ATP1A4: variants seen among roughly 807,000 people sequenced by gnomAD.
The protein encoded by ATP1A4 is sodium/potassium-transporting ATPase subunit alpha-4.
ATP1A4 carries 90 observed loss-of-function variants against 114.3 expected under a neutral mutation model. That is an observed-to-expected ratio of 0.79 (90% CI 0.66 to 0.94). The LOEUF (loss-of-function observed/expected upper bound fraction) is 0.94. Among genes scored for constraint, ATP1A4 ranks in the 40% least tolerant of loss-of-function variants. ATP1A4 has a pLI of 0.00. For synonymous variants in ATP1A4, 511 were observed against 494.1 expected (o/e 1.03, Z -0.45); for missense variants, 1,222 against 1,313.6 (o/e 0.93, Z 1.08).
At chr1:160,168,557 T>G (rs1653125655) in intron 10 of ATP1A4, among the ~76,000 whole-genome samples, 1 of 152,102 alleles carries the variant, frequency 6.6e-6, no homozygotes, top group Non-Finnish European at 1.5e-5. Context: ...TAATTTTTTG[T>G]ATTTTTAGTA....
rs768719394 is a variant in ATP1A4, at chr1:160,173,563, C to G, written c.1855-18C>G. 2 of 1,611,256 alleles carry G rather than the reference C, an allele frequency of 1.2e-6. No individual in the cohort carries two copies. Among genetic ancestry groups the G allele is most frequent in the Non-Finnish European group, 1.7e-6 (2 of 1,177,740 alleles). On this transcript the variant is annotated intron_variant, in intron 12 of 21. Transcript: ENST00000368081. ...CTGAAGATGATTCTGCTCCTCTTCC[C>G]TCTCCTTCCCAACCCAGGTGATCAT...
intron 12 of ATP1A4, among the ~76,000 whole-genome samples, chr1:160,172,139 GA>G: frequency 2.0e-5 from 3 of 152,300 alleles, no homozygotes; most frequent in African/African-American, 7.2e-5. Flanking sequence ...ATCCCTCAGG[GA>G]TTGTTTTGAA....
chr1:160,180,833 G>C (rs1024697192), intron 18 of ATP1A4, among the ~76,000 whole-genome samples: 4 of 150,482 alleles, frequency 2.7e-5, no homozygotes, highest in African/African-American at 7.3e-5. Flanking sequence ...TCTCGCCTCA[G>C]CCTCCCGAGC....
intron 20 of ATP1A4, 99 bp from the exon 21 acceptor site, chr1:160,186,177 C>T: frequency 2.5e-6 from 2 of 803,286 alleles, no homozygotes; most frequent in Non-Finnish European, 4.3e-6. Flanking sequence ...ACACAGTAGA[C>T]ACAAGCAATG....
In ATP1A4 at chr1:160,177,575, G is replaced by A. The variant is rs757992087; in HGVS notation, c.2647G>A (p.Gly883Ser). The change falls in exon 18 of 22, where the codon GGT becomes AGT. Residue 883 changes from glycine to serine, a missense_variant. Gly to Ser is a moderately conservative substitution (Grantham distance 56). Coordinates refer to ENST00000368081, the MANE Select transcript of ATP1A4 (RefSeq NM_144699.4). ...CTACTTTGTAATCCTGGCTGAGAAT[G>A]GTTTTAGGCCTGTTGATCTGCTGGG... Reference protein sequence around the residue: ...FTYFVILAENGFRPVDLLGIR... With the variant: ...FTYFVILAENSFRPVDLLGIR... 3.1e-6 allele frequency: 5 copies of A among 1,614,180 alleles called. No homozygotes were observed. Among genetic ancestry groups the A allele is most frequent in the Non-Finnish European group, 4.2e-6 (5 of 1,180,026 alleles).
chr1:160,156,968 G>A (rs1452808210), intron 4 of ATP1A4, among the ~76,000 whole-genome samples: 3 of 152,176 alleles, frequency 2.0e-5, no homozygotes, highest in East Asian at 3.9e-4. Flanking sequence ...TTAAAAATTA[G>A]CTGAGCGTGC....
In ATP1A4 at chr1:160,155,244, A is replaced by G. The variant is rs1355863775; in HGVS notation, c.407A>G (p.Asp136Gly). ...TATTTCAATGAGGAGCCTACCAAAG[A>G]CAACGTGAGTCTCTTCAGCTACTAC... Reference protein sequence around the residue: ...QIYFNEEPTKDNLYLSIVLSV... With the variant: ...QIYFNEEPTKGNLYLSIVLSV... Residue 136 changes from aspartate to glycine, a missense_variant, in exon 3 of 22, where the codon GAC (aspartate) becomes GGC (glycine). Asp to Gly is a moderately conservative substitution (Grantham distance 94, BLOSUM62 -1). Coordinates refer to ENST00000368081, the MANE Select transcript of ATP1A4 (RefSeq NM_144699.4). 8 of 1,612,522 alleles carry G rather than the reference A, an allele frequency of 5.0e-6. No individual in the cohort carries two copies. Among genetic ancestry groups the G allele is most frequent in the Non-Finnish European group, 6.8e-6 (8 of 1,179,430 alleles).
chr1:160,180,528 C>CT (rs925167059), intron 18 of ATP1A4, among the ~76,000 whole-genome samples: 16 of 152,094 alleles, frequency 1.1e-4, no homozygotes, highest in Non-Finnish European at 2.4e-4. Context: ...CCACTAGACT[C>CT]TAAGTTCCTT....
At chr1:160,152,217 C>T (rs930476618) in intron 1 of ATP1A4, 30 bp downstream of exon 1, 3 of 1,606,810 alleles carry the variant, frequency 1.9e-6, no homozygotes, top group African/African-American at 1.3e-5. Context: ...GCGCTGACAG[C>T]TGCCCTCTGA....
Position 160,182,010 on chromosome 1 carries a change from C to T in ATP1A4, c.2948C>T (p.Ala983Val), listed in dbSNP as rs1653725633. 6.2e-7 allele frequency: 1 copy of T among 1,614,022 alleles called. No individual in the cohort carries two copies. Residue 983 changes from alanine (A) to valine (V), a missense_variant, in exon 20 of 22, where the codon GCC becomes GTC. Ala to Val is a moderately conservative substitution (Grantham distance 64). Coordinates refer to ENST00000368081, the MANE Select transcript of ATP1A4 (RefSeq NM_144699.4). ...TCCTACACTCCAGGCATGGACGTGGCCCTGCGAATGTACCCACTCAAGTGA... is the reference window on the plus strand; with the variant it reads ...TCCTACACTCCAGGCATGGACGTGGTCCTGCGAATGTACCCACTCAAGTGA... ...FLSYTPGMDV[A>V]LRMYPLKITW... is the part of the protein sequence containing the mutation.
At position 160,176,563 on chromosome 1, in the gene ATP1A4, GT is replaced by G; in HGVS notation, c.2552del (p.Val851GlyfsTer15). On this transcript the variant is annotated frameshift_variant, in exon 17 of 22. Transcript: ENST00000368081. LOFTEE classifies it high-confidence loss of function. ...LPRNPKTDNL[V>X]NHRLIGMAYG... ...AAGGAACCCAAAGACGGATAATCTG[GT>G]GAACCACCGTCTCATTGGCATGGCC... 1 of 1,614,166 alleles carries G rather than the reference GT, an allele frequency of 6.2e-7. No homozygotes were observed. The highest frequency in any genetic ancestry group is 8.5e-7 in the Non-Finnish European group (1 of 1,180,036).
intron 17 of ATP1A4, 141 bp downstream of exon 17, chr1:160,176,743 T>A: frequency 8.9e-7 from 1 of 1,123,506 alleles, no homozygotes; most frequent in Non-Finnish European, 1.3e-6. Flanking sequence ...AAAGAACCAC[T>A]CATCTCTGAT....
rs1652468652 is a variant in ATP1A4 at position 160,151,950 on chromosome 1, C to T, written c.-91C>T. On this transcript the variant is annotated 5_prime_UTR_variant, in exon 1 of 22. Transcript: ENST00000368081. ...CCCACCACTCTCTTCTCGTGGCCCC[C>T]TTGCCCGCGCGCCCTCTTCCCTTCC... is the stretch of plus-strand genomic sequence containing the variant. The T allele has an allele frequency of 4.1e-6, 6 of 1,470,514 alleles. No individual in the cohort carries two copies. The Admixed American group carries it at 9.6e-5, about 24-fold the overall frequency. The allele number at this position is 1,470,514 out of a possible 1,614,324, so 91.1% of individuals were successfully genotyped here. A position where few individuals can be genotyped will look rare whatever the true frequency, so the allele number is the denominator to read the frequency against.
chr1:160,181,871 C>T (rs1177059765), intron 19 of ATP1A4, 57 bp downstream of exon 19: 1 of 1,613,530 alleles, frequency 6.2e-7, no homozygotes, highest in Non-Finnish European at 8.5e-7. Context: ...CCAGGACATG[C>T]CATTTCCCCC....
At chr1:160,159,291 G>T in intron 5 of ATP1A4, 118 bp from the exon 6 acceptor site, 2 of 1,343,654 alleles carry the variant, frequency 1.5e-6, no homozygotes, top group Non-Finnish European at 2.1e-6. Context: ...GTGTAAATTT[G>T]TTTCTCTCAG....
At chr1:160,164,011 C>T (rs546282050) in intron 6 of ATP1A4, 145 bp from the exon 7 acceptor site, 6 of 1,095,402 alleles carry the variant, frequency 5.5e-6, no homozygotes, top group Middle Eastern at 5.8e-4. Context: ...GGTCAAAGAC[C>T]AAATATTAGA....
chr1:160,172,208 C>T (rs1571026472), intron 12 of ATP1A4, among the ~76,000 whole-genome samples: 1 of 152,278 alleles, frequency 6.6e-6, no homozygotes, highest in East Asian at 1.9e-4. Flanking sequence ...TTTTAACGAG[C>T]TCCCAGGCGA....
intron 11 of ATP1A4, 33 bp downstream of exon 11, chr1:160,171,473 T>G: frequency 2.5e-6 from 4 of 1,609,718 alleles, no homozygotes; most frequent in Non-Finnish European, 3.4e-6. Flanking sequence ...TTTAAAAGAA[T>G]GGCATCAAAA....
At chr1:160,178,144 G>A (rs1486248467) in intron 18 of ATP1A4, among the ~76,000 whole-genome samples, 1 of 149,836 alleles carries the variant, frequency 6.7e-6, no homozygotes, top group African/African-American at 2.5e-5. Context: ...ATCACTTGAG[G>A]TTGGGAGTTG....
Sources: allele counts gnomAD v4.1 joint callset (sites outside exome capture counted in the v4.1 genomes callset), GRCh38; gene constraint gnomAD v4.1.1; transcripts MANE v1.5; gene names NCBI Gene and HGNC (gene_info 2026-07-23, HGNC 2026-07-21).